Variants in MLLT3 observed in about 807,000 individuals in gnomAD.
The protein encoded by MLLT3 is protein AF-9.
MLLT3 carries 4 observed loss-of-function variants against 53.2 expected under a neutral mutation model. The observed-to-expected ratio is 0.08, with a 90% confidence interval of 0.04 to 0.17. The LOEUF (loss-of-function observed/expected upper bound fraction) is 0.17. Among genes scored for constraint, MLLT3 ranks in the 10% least tolerant of loss-of-function variants. MLLT3 has a pLI of 1.00. For missense variants in MLLT3, 569 were observed against 684.0 expected, an observed-to-expected ratio of 0.83 and a Z score of 1.87; for synonymous variants, 283 against 230.6, an observed-to-expected ratio of 1.23 and a Z score of -2.06.
chr9:20,536,944 T>G (rs771187509), intron 2 of MLLT3, among the ~76,000 whole-genome samples: 3 of 151,988 alleles, frequency 2.0e-5, no homozygotes, highest in Non-Finnish European at 4.4e-5. Context: ...ACATCTATGA[T>G]GGCAGCCTGA....
At chr9:20,596,621 C>A (rs774126332) in intron 2 of MLLT3, among the ~76,000 whole-genome samples, 6 of 152,144 alleles carry the variant, frequency 3.9e-5, no homozygotes, top group Non-Finnish European at 8.8e-5. Flanking sequence ...AGCCCAGGAG[C>A]TGGAGGTTGC....
chr9:20,390,318 G>A (rs370931608), intron 5 of MLLT3, among the ~76,000 whole-genome samples: 2 of 152,146 alleles, frequency 1.3e-5, no homozygotes, highest in East Asian at 3.9e-4. Context: ...TTAAAACTTT[G>A]TTACATAGAA....
chr9:20,376,528 A>G (rs911969427), intron 5 of MLLT3, among the ~76,000 whole-genome samples: 3 of 152,144 alleles, frequency 2.0e-5, no homozygotes, highest in Non-Finnish European at 4.4e-5. Flanking sequence ...CACTTTCTTC[A>G]TTATTATCAT....
At chr9:20,411,202 G>C (rs1391598190) in intron 5 of MLLT3, 1 of 152,570 alleles carries the variant, frequency 6.6e-6, no homozygotes, top group African/African-American at 2.4e-5. Flanking sequence ...GCAGTCCATA[G>C]CTTAGTGTTC....
chr9:20,488,762 C>T (rs184002624), intron 2 of MLLT3, among the ~76,000 whole-genome samples: 108 of 152,226 alleles, frequency 7.1e-4, no homozygotes, highest in Non-Finnish European at 1.3e-3. Context: ...ACAAATGCCC[C>T]GTTTTCCATG....
In MLLT3 at chr9:20,448,484, A is replaced by T. The variant is rs576306956; in HGVS notation, c.277-218T>A. The stretch of plus-strand genomic sequence containing the variant: ...TAGTTTCTTGTGTTAGGGGAAATGA[A>T]ATAAGAAAAACTTCTCTTCTTCCCC... On this transcript the variant is annotated intron_variant, in intron 3 of 10. Coordinates refer to ENST00000380338, the MANE Select transcript of MLLT3 (RefSeq NM_004529.4). This position sits in a 1 kb window ranked among gnomAD's most constrained non-coding sequence, Gnocchi z 4.0. Among the ~76,000 whole-genome samples, 1 of 152,262 alleles carries T rather than the reference A, an allele frequency of 6.6e-6. No homozygotes were observed. The highest frequency in any genetic ancestry group is 1.9e-4 in the East Asian group (1 of 5,186).
chr9:20,451,864 G>A (rs1019652704), intron 3 of MLLT3, among the ~76,000 whole-genome samples: 2 of 152,194 alleles, frequency 1.3e-5, no homozygotes, highest in African/African-American at 4.8e-5. Context: ...CAGTGTCCCT[G>A]TTGGTTTAGA....
chr9:20,551,231 A>G (rs982321404), intron 2 of MLLT3, among the ~76,000 whole-genome samples: 6 of 152,254 alleles, frequency 3.9e-5, no homozygotes, highest in African/African-American at 1.4e-4. Flanking sequence ...GCTCCCCAAG[A>G]AAGAATAATA....
intron 4 of MLLT3, among the ~76,000 whole-genome samples, chr9:20,419,059 T>TA (rs560075352): frequency 1.3e-5 from 2 of 152,054 alleles, no homozygotes; most frequent in African/African-American, 2.4e-5. Flanking sequence ...AGTGACATAC[T>TA]TAAGGGTGGG....
chr9:20,374,648 T>C (rs1457203436), intron 5 of MLLT3, among the ~76,000 whole-genome samples: 2 of 152,236 alleles, frequency 1.3e-5, no homozygotes, highest in African/African-American at 2.4e-5. Flanking sequence ...TTTACATTAG[T>C]AACTGCTTCA....
At chr9:20,606,565 C>G (rs1820576700) in intron 2 of MLLT3, among the ~76,000 whole-genome samples, 1 of 152,108 alleles carries the variant, frequency 6.6e-6, no homozygotes, top group East Asian at 1.9e-4. Flanking sequence ...CAATTTTACT[C>G]TGCACCAATT....
At chr9:20,434,713 T>A in intron 4 of MLLT3, among the ~76,000 whole-genome samples, 1 of 152,148 alleles carries the variant, frequency 6.6e-6, no homozygotes, top group East Asian at 1.9e-4. Context: ...GGCAGTGGTT[T>A]TCTCTCAAAA....
At chr9:20,594,718 A>G (rs1029812816) in intron 2 of MLLT3, among the ~76,000 whole-genome samples, 1 of 152,224 alleles carries the variant, frequency 6.6e-6, no homozygotes, top group Non-Finnish European at 1.5e-5. Context: ...GAAGGCGATG[A>G]AAGTGACCTT....
intron 5 of MLLT3, among the ~76,000 whole-genome samples, chr9:20,373,271 A>G (rs778955424): frequency 1.3e-5 from 2 of 152,290 alleles, no homozygotes; most frequent in Non-Finnish European, 2.9e-5. Flanking sequence ...CTAATACAAG[A>G]TATATCTTTA....
intron 2 of MLLT3, among the ~76,000 whole-genome samples, chr9:20,585,588 C>T (rs1350626652): frequency 6.6e-6 from 1 of 152,232 alleles, no homozygotes; most frequent in Non-Finnish European, 1.5e-5. Context: ...GCACTTGATT[C>T]TAAATCTTCA....
chr9:20,539,332 T>A (rs974681755), intron 2 of MLLT3, among the ~76,000 whole-genome samples: 1 of 152,246 alleles, frequency 6.6e-6, no homozygotes, highest in Non-Finnish European at 1.5e-5. Context: ...GTTTACAGCA[T>A]CTTTACCAAG....
At chr9:20,494,776 C>G (rs948917273) in intron 2 of MLLT3, among the ~76,000 whole-genome samples, 2 of 152,034 alleles carry the variant, frequency 1.3e-5, no homozygotes, top group Admixed American at 6.6e-5. Flanking sequence ...TCAAGGTGGT[C>G]CTGAGTTTGT....
rs375173076 is a variant in MLLT3 at position 20,622,302 on chromosome 9, C to G, written c.-46G>C. The G allele has an allele frequency of 1.0e-5, 15 of 1,499,512 alleles. No individual in the cohort carries two copies. Among genetic ancestry groups the G allele is most frequent in the Admixed American group, 8.4e-5 (4 of 47,346 alleles). The allele number at this position is 1,499,512 out of a possible 1,614,324, so 92.9% of individuals were successfully genotyped here. A position where few individuals can be genotyped will look rare whatever the true frequency, so the allele number is the denominator to read the frequency against. ...GCTGGGGTGTTGTGTGGTACCCCCC[C>G]CTCCTCCGCCCCCCCTCAGCTGTAA... On this transcript the variant is annotated 5_prime_UTR_variant, in exon 1 of 11. Coordinates refer to ENST00000380338, the MANE Select transcript of MLLT3 (RefSeq NM_004529.4).
chr9:20,349,709 C>A (rs1390557542), intron 10 of MLLT3, among the ~76,000 whole-genome samples: 1 of 152,186 alleles, frequency 6.6e-6, no homozygotes, highest in Non-Finnish European at 1.5e-5. Context: ...GAAACGTCAG[C>A]CCGGGCATTT....
Sources: gnomAD v4.1 joint callset for allele counts (sites outside exome capture counted in the v4.1 genomes callset) on GRCh38, gnomAD v4.1.1 for gene constraint, Gnocchi (gnomAD v3.1) non-coding constraint, MANE v1.5 for transcripts, NCBI Gene and HGNC (gene_info 2026-07-23, HGNC 2026-07-21) for gene names.